The following LRRC28 variants were observed in gnomAD, a reference collection of about 807,000 sequenced individuals.
The protein encoded by LRRC28 is leucine-rich repeat-containing protein 28.
LRRC28 carries 39 observed loss-of-function variants against 45.7 expected under a neutral mutation model. That is an observed-to-expected ratio of 0.85 (90% CI 0.66 to 1.12). The LOEUF is 1.12. Among genes scored for constraint, LRRC28 ranks in the 50% most tolerant of loss-of-function variants. The probability of loss-of-function intolerance (pLI) is 0.00; values close to 1 mark genes in which losing one functional copy is unlikely to be tolerated. For missense variants in LRRC28, 435 were observed against 438.5 expected, an observed-to-expected ratio of 0.99 and a Z score of 0.07; for synonymous variants, 206 against 178.8, an observed-to-expected ratio of 1.15 and a Z score of -1.22.
chr15:99,298,587 T>C (rs974771281), intron 5 of LRRC28, among the ~76,000 whole-genome samples: 1 of 152,196 alleles, frequency 6.6e-6, no homozygotes, highest in East Asian at 1.9e-4. Context: ...ACCATTTGTT[T>C]ATGATGAATA....
chr15:99,373,791 A>G (rs1192992056), intron 9 of LRRC28, among the ~76,000 whole-genome samples: 1 of 152,238 alleles, frequency 6.6e-6, no homozygotes, highest in Non-Finnish European at 1.5e-5. Context: ...TGTCATTTGA[A>G]AACAAGTCTT....
intron 6 of LRRC28, chr15:99,337,939 TCTGCC>T (rs1956380668): frequency 6.6e-6 from 1 of 152,282 alleles, no homozygotes; most frequent in Non-Finnish European, 1.5e-5. Flanking sequence ...GAAGCAATGC[TCTGCC>T]CTGGTCTAAA....
chr15:99,264,513 G>A (rs1261956790), intron 2 of LRRC28, among the ~76,000 whole-genome samples: 6 of 152,178 alleles, frequency 3.9e-5, no homozygotes, highest in Non-Finnish European at 5.9e-5. Context: ...ATGCTGAGGT[G>A]GGGACCGAGC....
intron 6 of LRRC28, among the ~76,000 whole-genome samples, chr15:99,345,655 A>T (rs1956656198): frequency 6.6e-6 from 1 of 152,144 alleles, no homozygotes; most frequent in African/African-American, 2.4e-5. Flanking sequence ...TTTCCCATCT[A>T]TATTTTATAA....
intron 9 of LRRC28, 46 bp from the exon 10 acceptor site, chr15:99,385,984 T>A (rs1315046775): frequency 2.6e-6 from 4 of 1,556,228 alleles, no homozygotes; most frequent in Non-Finnish European, 3.5e-6. Context: ...TCAGAGACTT[T>A]AATCTTGAAC....
chr15:99,372,716 C>T (rs2152334506), intron 9 of LRRC28, among the ~76,000 whole-genome samples: 1 of 152,254 alleles, frequency 6.6e-6, no homozygotes, highest in East Asian at 1.9e-4. Flanking sequence ...GAGTGTAAAT[C>T]CCGTATCTTC....
intron 8 of LRRC28, 40 bp downstream of exon 8, chr15:99,361,551 T>G (rs1957203684): frequency 1.3e-6 from 2 of 1,532,250 alleles, no homozygotes; most frequent in African/African-American, 2.8e-5. Flanking sequence ...TCTCTCTCAT[T>G]TAGTGAACAT....
intron 5 of LRRC28, among the ~76,000 whole-genome samples, chr15:99,314,674 A>C (rs1955533117): frequency 6.6e-6 from 1 of 152,186 alleles, no homozygotes; most frequent in Admixed American, 6.6e-5. Flanking sequence ...TTGTTTGGGT[A>C]CGTAAACTGC....
intron 8 of LRRC28, 140 bp downstream of exon 8, chr15:99,361,651 A>G (rs1957207492): frequency 1.3e-6 from 1 of 770,548 alleles, no homozygotes; most frequent in South Asian, 2.1e-5. Flanking sequence ...CATTTTATCC[A>G]TCTTTAAGTA....
At chr15:99,385,244 A>G (rs1384017996) in intron 9 of LRRC28, among the ~76,000 whole-genome samples, 1 of 152,192 alleles carries the variant, frequency 6.6e-6, no homozygotes, top group Non-Finnish European at 1.5e-5. Flanking sequence ...GCTAGAGTTG[A>G]GGCAACTTTG....
intron 5 of LRRC28, among the ~76,000 whole-genome samples, chr15:99,330,990 A>G (rs1443865078): frequency 1.3e-5 from 2 of 151,984 alleles, no homozygotes; most frequent in Non-Finnish European, 2.9e-5. Context: ...TATGATGTGT[A>G]TAGGTGTGGG....
chr15:99,337,781 C>T (rs906262724), intron 6 of LRRC28: 8 of 152,204 alleles, frequency 5.3e-5, no homozygotes, highest in African/African-American at 1.4e-4. Flanking sequence ...CCACAAGGCT[C>T]TGGGCACCAT....
At chr15:99,313,742 G>A (rs189687527) in intron 5 of LRRC28, among the ~76,000 whole-genome samples, 4 of 152,198 alleles carry the variant, frequency 2.6e-5, no homozygotes, top group East Asian at 1.9e-4. Flanking sequence ...TAGAATTCTT[G>A]GTTGACATTT....
intron 5 of LRRC28, among the ~76,000 whole-genome samples, chr15:99,305,958 T>C (rs932059907): frequency 2.0e-5 from 3 of 152,214 alleles, no homozygotes; most frequent in Admixed American, 6.5e-5. Flanking sequence ...AATTAAGCCT[T>C]GAGTGGTAGT....
chr15:99,336,981 C>T (rs987196588), intron 6 of LRRC28, among the ~76,000 whole-genome samples: 1 of 152,250 alleles, frequency 6.6e-6, no homozygotes, highest in Non-Finnish European at 1.5e-5. Context: ...CTGATACTCA[C>T]ATGTGCTCTT....
intron 9 of LRRC28, among the ~76,000 whole-genome samples, chr15:99,385,300 C>T (rs905890010): frequency 2.0e-5 from 3 of 152,178 alleles, no homozygotes; most frequent in Admixed American, 6.5e-5. Flanking sequence ...CAGGGAAAGG[C>T]GGACTGTGTT....
intron 2 of LRRC28, chr15:99,258,595 T>C: frequency 1.3e-6 from 1 of 752,490 alleles, no homozygotes; most frequent in Non-Finnish European, 2.4e-6. Context: ...ACTAAAAAAG[T>C]TGAAAAAACT....
chr15:99,292,971 C>A (rs1020461876), intron 5 of LRRC28, among the ~76,000 whole-genome samples: 3 of 152,104 alleles, frequency 2.0e-5, no homozygotes, highest in Admixed American at 6.5e-5. Context: ...GGAATTAAGT[C>A]CTCCTTCTTC....
intron 2 of LRRC28, chr15:99,259,894 C>G (rs117540298): frequency 1.9e-5 from 14 of 736,802 alleles, no homozygotes; most frequent in Non-Finnish European, 3.3e-5. Flanking sequence ...TGGAAGAACC[C>G]GACGAAGAAC....
Sources: gnomAD v4.1 joint callset for allele counts (sites outside exome capture counted in the v4.1 genomes callset) on GRCh38, gnomAD v4.1.1 for gene constraint, MANE v1.5 for transcripts, NCBI Gene and HGNC (gene_info 2026-07-23, HGNC 2026-07-21) for gene names.